The following DPP6 variants were observed in gnomAD, a reference collection of about 807,000 sequenced individuals.
DPP6 encodes A-type potassium channel modulatory protein DPP6.
Under a neutral mutation model 122.6 loss-of-function variants are expected in DPP6, and 69 were observed. That is an observed-to-expected ratio of 0.56 (90% confidence interval 0.46 to 0.69). The LOEUF is 0.69. Ranked by LOEUF, DPP6 falls within the 30% of genes least tolerant of loss-of-function variation. DPP6 has a pLI of 0.00. For synonymous variants in DPP6, 418 were observed against 433.1 expected, an observed-to-expected ratio of 0.97 and a Z score of 0.43; for missense variants, 928 against 1,116.9, an observed-to-expected ratio of 0.83 and a Z score of 2.41.
chr7:154,664,247 A>C (rs1451766663), intron 6 of DPP6, among the ~76,000 whole-genome samples: 3 of 152,166 alleles, frequency 2.0e-5, no homozygotes, highest in Non-Finnish European at 4.4e-5. Flanking sequence ...TCACGCGATC[A>C]TGGTGAATCA....
chr7:153,916,238 G>T (rs1471697332), intron 1 of DPP6, among the ~76,000 whole-genome samples: 2 of 151,958 alleles, frequency 1.3e-5, no homozygotes, highest in African/African-American at 2.4e-5. Context: ...CTCACAAAGT[G>T]CTGGGATTAC....
intron 1 of DPP6, among the ~76,000 whole-genome samples, chr7:154,156,550 A>G (rs954883309): frequency 2.6e-5 from 4 of 152,236 alleles, no homozygotes; most frequent in South Asian, 2.1e-4. Flanking sequence ...AGATGTGATC[A>G]GAAGAGAAAT....
chr7:154,093,639 C>CACACACACACACACACCAT (rs1236107423), intron 1 of DPP6: 1 of 151,144 alleles, frequency 6.6e-6, no homozygotes, highest in Admixed American at 6.6e-5. Flanking sequence ...ACACCATACA[C>CACACACACACACACACCAT]ACACACACAC....
chr7:154,758,373 A>ATTTTTT (rs10632379), intron 8 of DPP6, among the ~76,000 whole-genome samples: 4 of 143,664 alleles, frequency 2.8e-5, no homozygotes, highest in African/African-American at 1.0e-4. Flanking sequence ...GGAAATACAG[A>ATTTTTT]TTTTTTTTTT....
chr7:154,571,318 C>T (rs1025509427), intron 5 of DPP6, among the ~76,000 whole-genome samples: 38 of 152,130 alleles, frequency 2.5e-4, no homozygotes, highest in African/African-American at 8.9e-4. Context: ...ATGTAAAATG[C>T]ATTATCTAAG....
At chr7:154,825,648 C>T (rs1288363864) in intron 16 of DPP6, among the ~76,000 whole-genome samples, 2 of 152,170 alleles carry the variant, frequency 1.3e-5, no homozygotes, top group Non-Finnish European at 2.9e-5. Flanking sequence ...CCAGGACTTG[C>T]GCATGGCTAG....
intron 1 of DPP6, among the ~76,000 whole-genome samples, chr7:154,076,523 G>A (rs1364552216): frequency 2.0e-5 from 3 of 150,918 alleles, no homozygotes; most frequent in Non-Finnish European, 4.4e-5. Flanking sequence ...AAAGGGAAGA[G>A]CAGATAATAC....
At chr7:154,045,200 A>G (rs1363611744) in intron 1 of DPP6, among the ~76,000 whole-genome samples, 1 of 46,948 alleles carries the variant, frequency 2.1e-5, no homozygotes, top group East Asian at 1.8e-3. Context: ...CTTAGAAAAG[A>G]TAAAAAAAAA....
At chr7:154,839,022 C>T (rs1017947955) in intron 16 of DPP6, 1 of 152,124 alleles carries the variant, frequency 6.6e-6, no homozygotes, top group African/African-American at 2.4e-5. Context: ...TATGCCCATT[C>T]GTCCACAGAG....
At chr7:154,830,103 G>C (rs1215964518) in intron 16 of DPP6, among the ~76,000 whole-genome samples, 4 of 152,230 alleles carry the variant, frequency 2.6e-5, no homozygotes, top group African/African-American at 9.6e-5. Flanking sequence ...TCCTGAGCAA[G>C]TATTAAGTGA....
chr7:154,695,227 C>T (rs1362068609), intron 7 of DPP6, among the ~76,000 whole-genome samples: 1 of 152,108 alleles, frequency 6.6e-6, no homozygotes, highest in Admixed American at 6.5e-5. Context: ...CCTGATGCCT[C>T]GGCCCCCGGG....
rs768570824 is a variant in DPP6 at position 154,876,118 on chromosome 7, A to G, written c.2078+18A>G. The G allele has an allele frequency of 2.6e-6, 4 of 1,563,380 alleles. No homozygotes were observed. The highest frequency in any genetic ancestry group is 3.5e-6 in the Non-Finnish European group (4 of 1,154,600). Reference sequence around the variant, plus strand: ...GCCGTGCGGTGAGCACCCGCCCAGGAAGCAGGAGAGGCCGGGAGGGGACGG... The same window carrying G: ...GCCGTGCGGTGAGCACCCGCCCAGGGAGCAGGAGAGGCCGGGAGGGGACGG... On this transcript the variant is annotated intron_variant, in intron 20 of 25. Transcript: ENST00000377770.
At chr7:153,980,088 T>A (rs980819446) in intron 1 of DPP6, among the ~76,000 whole-genome samples, 8 of 152,234 alleles carry the variant, frequency 5.3e-5, no homozygotes, top group Non-Finnish European at 1.0e-4. Flanking sequence ...TCCCTCTTTT[T>A]CTATTGTTTG....
At chr7:153,756,957 GT>G in the DPP6 span, among the ~76,000 whole-genome samples, 3 of 152,078 alleles carry the variant, frequency 2.0e-5, no homozygotes, top group African/African-American at 7.2e-5. Flanking sequence ...GTTTTTTCTG[GT>G]TTTATTTGTT....
chr7:154,375,038 G>A (rs1813010312), intron 1 of DPP6, among the ~76,000 whole-genome samples: 2 of 152,202 alleles, frequency 1.3e-5, no homozygotes, highest in South Asian at 4.1e-4. Flanking sequence ...CTTAATGAGA[G>A]CACATGGGCT....
At chr7:154,288,826 A>G (rs1050275904) in intron 1 of DPP6, among the ~76,000 whole-genome samples, 1 of 152,238 alleles carries the variant, frequency 6.6e-6, no homozygotes, top group Non-Finnish European at 1.5e-5. Context: ...CTGACATTCT[A>G]GAGGACATTT....
At chr7:154,067,719 A>C (rs1207406751) in intron 1 of DPP6, among the ~76,000 whole-genome samples, 1 of 152,098 alleles carries the variant, frequency 6.6e-6, no homozygotes. Context: ...ATGTTGCTGG[A>C]AAGAAGGAGA....
rs1180937319 is a variant in DPP6, at chr7:154,017,704, AAAATAAAAAAAAAATAAAAAAAT to A, written c.51+129974_51+129996del. ...GACAGAGTGAGCCCTTGTCCTAAAA[AAAATAAAAAAAAAATAAAAAAAT>A]AAAAAAAAAAAAAAGAAAAATATAA... On this transcript the variant is annotated intron_variant, in intron 1 of 25. Coordinates refer to the DPP6 transcript ENST00000404039. Among the ~76,000 whole-genome samples the A allele has an allele frequency of 2.7e-3, 341 of 124,804 alleles. 4 individuals are homozygous for A. The highest frequency in any genetic ancestry group is 0.012 in the African/African-American group (319 of 27,252). 81.9% of individuals were successfully genotyped at this position (124,804 alleles called of 152,430 possible). A position where few individuals can be genotyped will look rare whatever the true frequency, so the allele number is the denominator to read the frequency against.
chr7:154,196,153 G>C (rs911394150), intron 1 of DPP6, among the ~76,000 whole-genome samples: 2 of 152,202 alleles, frequency 1.3e-5, no homozygotes, highest in African/African-American at 4.8e-5. Context: ...CCTGTTTGCT[G>C]TTAGATCTGC....
Sources: gnomAD v4.1 joint callset for allele counts (sites outside exome capture counted in the v4.1 genomes callset) on GRCh38, gnomAD v4.1.1 for gene constraint, MANE v1.5 for transcripts, NCBI Gene and HGNC (gene_info 2026-07-23, HGNC 2026-07-21) for gene names.